NLGN1: variants seen among roughly 807,000 people sequenced by gnomAD.
NLGN1 encodes neuroligin-1.
Under a neutral mutation model 65.5 loss-of-function variants are expected in NLGN1, and 12 were observed. The observed-to-expected ratio is 0.18, with a 90% CI of 0.12 to 0.30. NLGN1 has a LOEUF of 0.30. Ranked by LOEUF, NLGN1 falls within the 10% of genes least tolerant of loss-of-function variation. The pLI, the probability that NLGN1 is intolerant of heterozygous loss-of-function variation, is 1.00. For missense variants in NLGN1, 750 were observed against 1,007.1 expected (o/e 0.74, Z 3.46); for synonymous variants, 350 against 359.5 (o/e 0.97, Z 0.30).
intron 4 of NLGN1, among the ~76,000 whole-genome samples, chr3:173,816,007 GTTAA>G (rs1267498495): frequency 2.4e-4 from 34 of 141,200 alleles, no homozygotes; most frequent in Admixed American, 6.9e-4. Flanking sequence ...AATTATAATA[GTTAA>G]TTAAATATAT....
At chr3:173,960,633 A>G (rs1459846626) in intron 4 of NLGN1, among the ~76,000 whole-genome samples, 2 of 152,136 alleles carry the variant, frequency 1.3e-5, no homozygotes, top group East Asian at 3.9e-4. Flanking sequence ...TTTAAAACAG[A>G]TATAGGATAA....
At chr3:174,051,740 G>A (rs1734935664) in intron 4 of NLGN1, among the ~76,000 whole-genome samples, 2 of 152,158 alleles carry the variant, frequency 1.3e-5, no homozygotes, top group Non-Finnish European at 2.9e-5. Flanking sequence ...ATTAGCTTGT[G>A]TGAGGAGTCC....
intron 4 of NLGN1, among the ~76,000 whole-genome samples, chr3:174,190,396 G>A: frequency 6.6e-6 from 1 of 151,878 alleles, no homozygotes; most frequent in Non-Finnish European, 1.5e-5. Context: ...AAGGTGCCTG[G>A]AGAAGTACAT....
intron 3 of NLGN1, among the ~76,000 whole-genome samples, chr3:173,642,855 T>A (rs115112704): frequency 0.021 from 3,159 of 152,280 alleles, 120 homozygotes; most frequent in African/African-American, 0.072. Flanking sequence ...TATGACCCTT[T>A]ATAAGTAAAA....
chr3:174,248,205 CT>C (rs925003190), intron 4 of NLGN1, among the ~76,000 whole-genome samples: 21 of 151,390 alleles, frequency 1.4e-4, no homozygotes, highest in Admixed American at 3.3e-4. Context: ...GCCAGATTCA[CT>C]TTTTTTTTAT....
chr3:173,611,158 G>A (rs189743196), intron 3 of NLGN1, among the ~76,000 whole-genome samples: 42 of 152,108 alleles, frequency 2.8e-4, no homozygotes, highest in African/African-American at 9.6e-4. Flanking sequence ...TCAATTGTTT[G>A]ATGTGTAATG....
chr3:174,293,211 T>C, the NLGN1 span, among the ~76,000 whole-genome samples: 1 of 151,450 alleles, frequency 6.6e-6, no homozygotes, highest in African/African-American at 2.4e-5. Context: ...AGATGGTGCA[T>C]GTGGAGGTTT....
intron 4 of NLGN1, among the ~76,000 whole-genome samples, chr3:173,811,459 G>C (rs1037277456): frequency 2.6e-5 from 4 of 151,456 alleles, no homozygotes; most frequent in African/African-American, 9.7e-5. Flanking sequence ...AGCTACTCGG[G>C]AGCCTGAGGC....
At chr3:173,670,684 C>T (rs1339044583) in intron 3 of NLGN1, among the ~76,000 whole-genome samples, 1 of 152,122 alleles carries the variant, frequency 6.6e-6, no homozygotes, top group Non-Finnish European at 1.5e-5. Context: ...ATCAAAATGT[C>T]ATCTTCAGGT....
intron 4 of NLGN1, among the ~76,000 whole-genome samples, chr3:174,148,366 T>G (rs973775069): frequency 2.6e-5 from 4 of 152,164 alleles, no homozygotes; most frequent in African/African-American, 9.7e-5. Flanking sequence ...GTTAAGTAAT[T>G]ACAACTCTAT....
intron 3 of NLGN1, among the ~76,000 whole-genome samples, chr3:173,692,415 T>C (rs1412941146): frequency 1.3e-5 from 2 of 152,122 alleles, no homozygotes; most frequent in Non-Finnish European, 2.9e-5. Context: ...CTGATAAGTG[T>C]CTCTATAGCC....
At chr3:173,483,208 C>T (rs1222772715) in intron 2 of NLGN1, among the ~76,000 whole-genome samples, 1 of 151,868 alleles carries the variant, frequency 6.6e-6, no homozygotes, top group Non-Finnish European at 1.5e-5. Context: ...TCTAAACTTC[C>T]AAAATGTAAT....
intron 4 of NLGN1, among the ~76,000 whole-genome samples, chr3:174,249,894 C>G (rs1553975761): frequency 6.6e-6 from 1 of 152,000 alleles, no homozygotes; most frequent in Non-Finnish European, 1.5e-5. Flanking sequence ...TGCATTTGTT[C>G]CAATGTGTGA....
At chr3:173,859,100 A>G (rs1484799859) in intron 4 of NLGN1, among the ~76,000 whole-genome samples, 1 of 152,126 alleles carries the variant, frequency 6.6e-6, no homozygotes, top group Non-Finnish European at 1.5e-5. Flanking sequence ...GCACGTCAAT[A>G]AAACCTGAAA....
chr3:174,269,931 A>G (rs1019541244), intron 4 of NLGN1, among the ~76,000 whole-genome samples: 1 of 151,812 alleles, frequency 6.6e-6, no homozygotes. Flanking sequence ...GATGTTGAAT[A>G]TCTTTTCATG....
chr3:174,154,993 T>TATATAATATAA (rs1561175372), intron 4 of NLGN1, among the ~76,000 whole-genome samples: 1 of 122,458 alleles, frequency 8.2e-6, no homozygotes, highest in African/African-American at 3.5e-5. Context: ...TATTATATAT[T>TATATAATATAA]ATATATATTT....
intron 4 of NLGN1, among the ~76,000 whole-genome samples, chr3:174,258,913 T>C (rs1482422987): frequency 6.6e-6 from 1 of 152,048 alleles, no homozygotes; most frequent in South Asian, 2.1e-4. Context: ...AGGTATTATG[T>C]TGAAGATATG....
intron 4 of NLGN1, among the ~76,000 whole-genome samples, chr3:174,240,551 A>G (rs185077278): frequency 6.6e-6 from 1 of 152,222 alleles, no homozygotes; most frequent in Non-Finnish European, 1.5e-5. Flanking sequence ...AGTCCGTAAG[A>G]AAAAACAAAA....
chr3:173,756,883 G>T (rs1777219220), intron 3 of NLGN1, among the ~76,000 whole-genome samples: 1 of 150,440 alleles, frequency 6.6e-6, no homozygotes, highest in Non-Finnish European at 1.5e-5. Flanking sequence ...GTGTTAAAAA[G>T]AAAATTGACT....
Sources: allele counts gnomAD v4.1 joint callset (sites outside exome capture counted in the v4.1 genomes callset), GRCh38; gene constraint gnomAD v4.1.1; transcripts MANE v1.5; gene names NCBI Gene and HGNC (gene_info 2026-07-23, HGNC 2026-07-21).